The following TAF3 variants were observed in gnomAD, a reference collection of about 807,000 sequenced individuals.
The protein encoded by TAF3 is TATA-box binding protein associated factor 3.
TAF3 carries 7 observed loss-of-function variants against 80.6 expected under a neutral mutation model. That is an observed-to-expected ratio of 0.09 (90% CI 0.05 to 0.16). The LOEUF is 0.16. Ranked by LOEUF, TAF3 falls within the 10% of genes least tolerant of loss-of-function variation. The pLI, the probability that TAF3 is intolerant of heterozygous loss-of-function variation, is 1.00. For missense variants in TAF3, 921 were observed against 1,140.2 expected, an observed-to-expected ratio of 0.81 and a Z score of 2.77; for synonymous variants, 444 against 446.1, an observed-to-expected ratio of 1.00 and a Z score of 0.06.
intron 2 of TAF3, among the ~76,000 whole-genome samples, chr10:7,962,147 G>T (rs1028094210): frequency 6.6e-6 from 1 of 152,134 alleles, no homozygotes; most frequent in African/African-American, 2.4e-5. Context: ...CACCATGCCT[G>T]ACCAGGCTCA....
At chr10:7,945,558 G>A (rs868533661) in intron 2 of TAF3, among the ~76,000 whole-genome samples, 5 of 152,010 alleles carry the variant, frequency 3.3e-5, no homozygotes, top group Non-Finnish European at 5.9e-5. Flanking sequence ...AGATGCCGCA[G>A]GGAGGCCAGG....
At chr10:7,837,463 C>T (rs1286570983) in intron 2 of TAF3, among the ~76,000 whole-genome samples, 2 of 151,504 alleles carry the variant, frequency 1.3e-5, no homozygotes, top group Non-Finnish European at 2.9e-5. Flanking sequence ...GCCAGCATGG[C>T]GAAACCTCGT....
At chr10:7,980,381 G>T (rs1042143326) in intron 4 of TAF3, among the ~76,000 whole-genome samples, 134 of 152,300 alleles carry the variant, frequency 8.8e-4, no homozygotes, top group African/African-American at 3.2e-3. Flanking sequence ...ATTGTTTCCT[G>T]TGTTCCCTAT....
chr10:7,988,798 TTG>T (rs1229562390), intron 4 of TAF3, among the ~76,000 whole-genome samples: 3 of 151,094 alleles, frequency 2.0e-5, no homozygotes, highest in Non-Finnish European at 2.9e-5. Context: ...GGCATTTTCT[TTG>T]TTTTTTATTT....
intron 3 of TAF3, among the ~76,000 whole-genome samples, chr10:7,972,968 G>A (rs1401439466): frequency 6.6e-6 from 1 of 152,138 alleles, no homozygotes; most frequent in Non-Finnish European, 1.5e-5. Flanking sequence ...ACCAGAAAAA[G>A]GACTCACAAT....
chr10:7,945,183 G>A (rs1285239946), intron 2 of TAF3, among the ~76,000 whole-genome samples: 1 of 152,148 alleles, frequency 6.6e-6, no homozygotes, highest in Non-Finnish European at 1.5e-5. Flanking sequence ...GGACTGGATT[G>A]CAGTTTTTGG....
At chr10:7,860,843 A>T (rs1378962168) in intron 2 of TAF3, among the ~76,000 whole-genome samples, 1 of 146,650 alleles carries the variant, frequency 6.8e-6, no homozygotes, top group African/African-American at 2.5e-5. Flanking sequence ...TCTGTCACCC[A>T]GGCTGGAATG....
rs956728280 is a variant in TAF3, at chr10:8,015,511, C to T, written c.*760C>T. 1 of 152,002 alleles carries T rather than the reference C, an allele frequency of 6.6e-6. No individual in the cohort carries two copies. The highest frequency in any genetic ancestry group is 6.6e-5 in the Admixed American group (1 of 15,256). The allele number at this position is 152,002 out of a possible 1,614,324, so 9.4% of individuals were successfully genotyped here. ...AAAAACTCTTCAGACTAAAAGATTG[C>T]CCCTAATGTAAATAATAAATATTTA... is the stretch of plus-strand genomic sequence containing the variant. On this transcript the variant is annotated 3_prime_UTR_variant, in exon 7 of 7. Coordinates refer to ENST00000344293, the MANE Select transcript of TAF3 (RefSeq NM_031923.4).
chr10:7,915,931 T>G (rs1197842927), intron 2 of TAF3, among the ~76,000 whole-genome samples: 1 of 151,628 alleles, frequency 6.6e-6, no homozygotes, highest in Non-Finnish European at 1.5e-5. Context: ...TGAGCTGAGG[T>G]TGCACCACTG....
At chr10:7,915,251 C>A (rs1028909114) in intron 2 of TAF3, among the ~76,000 whole-genome samples, 3 of 151,606 alleles carry the variant, frequency 2.0e-5, no homozygotes, top group African/African-American at 4.8e-5. Context: ...GGCCGCTCCC[C>A]AGCCTTTTAT....
chr10:7,915,805 C>T (rs1035899881), intron 2 of TAF3, among the ~76,000 whole-genome samples: 3 of 151,654 alleles, frequency 2.0e-5, no homozygotes, highest in African/African-American at 7.3e-5. Context: ...ATGGTGAAAT[C>T]TCGTCTCTAC....
chr10:7,865,247 C>T (rs1837199165), intron 2 of TAF3, among the ~76,000 whole-genome samples: 1 of 152,006 alleles, frequency 6.6e-6, no homozygotes, highest in African/African-American at 2.4e-5. Context: ...GCGGGCGGAT[C>T]ATGAGGTCAG....
chr10:7,903,640 A>G (rs1837580616), intron 2 of TAF3, among the ~76,000 whole-genome samples: 1 of 152,254 alleles, frequency 6.6e-6, no homozygotes, highest in South Asian at 2.1e-4. Context: ...GCATTGCACC[A>G]TATATGAAAA....
intron 2 of TAF3, among the ~76,000 whole-genome samples, chr10:7,869,140 G>A (rs976456589): frequency 1.3e-5 from 2 of 152,102 alleles, no homozygotes; most frequent in African/African-American, 4.8e-5. Flanking sequence ...CTAGAAGATA[G>A]TAACTTTAGA....
intron 3 of TAF3, among the ~76,000 whole-genome samples, chr10:7,969,413 CT>C (rs1209319224): frequency 5.3e-5 from 8 of 152,132 alleles, no homozygotes; most frequent in Admixed American, 3.9e-4. Context: ...GCTATTAATA[CT>C]GTCACATTTG....
intron 2 of TAF3, among the ~76,000 whole-genome samples, chr10:7,850,074 A>G (rs1837012619): frequency 6.6e-6 from 1 of 152,232 alleles, no homozygotes; most frequent in African/African-American, 2.4e-5. Flanking sequence ...TTTGCTTAAA[A>G]TATAGATCCT....
Position 8,006,159 on chromosome 10 carries a change from G to A in TAF3, c.2316-2919G>A, listed in dbSNP as rs865957097. 2.5e-3 allele frequency among the ~76,000 whole-genome samples: 360 copies of A among 142,532 alleles called. 2 individuals are homozygous for A. The highest frequency in any genetic ancestry group is 8.7e-3 in the African/African-American group (328 of 37,638). 93.5% of individuals were successfully genotyped at this position (142,532 alleles called of 152,430 possible). On this transcript the variant is annotated intron_variant, in intron 4 of 6. Transcript: ENST00000344293. ...AGCCTGCCCAACATGGAGAAACCCC[G>A]TCTCTACTGAAAAAAAAAATACACA...
intron 4 of TAF3, 146 bp from the exon 5 acceptor site, chr10:8,008,932 C>T (rs1463235190): frequency 8.5e-7 from 1 of 1,179,416 alleles, no homozygotes; most frequent in Admixed American, 2.2e-5. Flanking sequence ...TCATGCAGGG[C>T]CTGGAACTCA....
intron 2 of TAF3, among the ~76,000 whole-genome samples, chr10:7,825,147 A>G (rs1179343543): frequency 6.6e-6 from 1 of 152,186 alleles, no homozygotes; most frequent in Non-Finnish European, 1.5e-5. Context: ...GATGTTGATC[A>G]CTAAGTTCAC....
Sources: gnomAD v4.1 joint callset for allele counts (sites outside exome capture counted in the v4.1 genomes callset) on GRCh38, gnomAD v4.1.1 for gene constraint, MANE v1.5 for transcripts, NCBI Gene and HGNC (gene_info 2026-07-23, HGNC 2026-07-21) for gene names.